The following AGBL1 variants were observed in gnomAD, a reference collection of about 807,000 sequenced individuals.
The protein encoded by AGBL1 is cytosolic carboxypeptidase 4.
In AGBL1, 130 loss-of-function variants were observed where a neutral mutation model predicts 118.9. The observed-to-expected ratio is 1.09, with a 90% CI of 0.95 to 1.26. The LOEUF is 1.26. Ranked by LOEUF, AGBL1 falls within the 50% of genes most tolerant of loss-of-function variation. AGBL1 has a pLI of 0.00. For synonymous variants in AGBL1, 555 were observed against 478.9 expected, an observed-to-expected ratio of 1.16 and a Z score of -2.08; for missense variants, 1,584 against 1,298.1, an observed-to-expected ratio of 1.22 and a Z score of -3.38.
At chr15:86,454,171 G>T (rs2082232729) in intron 18 of AGBL1, among the ~76,000 whole-genome samples, 1 of 152,172 alleles carries the variant, frequency 6.6e-6, no homozygotes. Context: ...CCTTAGAAAA[G>T]TTCCCTTAGA....
chr15:86,139,778 A>T (rs370907096), intron 1 of AGBL1: 106 of 132,376 alleles, frequency 8.0e-4, no homozygotes, highest in Middle Eastern at 8.1e-3. Flanking sequence ...TTTTTTTTTT[A>T]AAAACCAGGG....
At chr15:86,597,132 T>TATCCATCCATCCATCCATCCATCC (rs57387070) in intron 21 of AGBL1, among the ~76,000 whole-genome samples, 1 of 147,504 alleles carries the variant, frequency 6.8e-6, no homozygotes, top group African/African-American at 2.5e-5. Flanking sequence ...AATCTACCTA[T>TATCCATCCATCCATCCATCCATCC]ATCCATCCAT....
At chr15:86,862,624 C>G (rs573972749) in intron 22 of AGBL1, among the ~76,000 whole-genome samples, 3 of 152,060 alleles carry the variant, frequency 2.0e-5, no homozygotes, top group African/African-American at 7.2e-5. Flanking sequence ...GGAGGGCTGA[C>G]GCAGGAGACT....
intron 22 of AGBL1, among the ~76,000 whole-genome samples, chr15:86,813,264 G>C (rs1202060384): frequency 8.5e-5 from 13 of 152,110 alleles, no homozygotes; most frequent in Non-Finnish European, 1.6e-4. Flanking sequence ...AGGGCCTTGA[G>C]TGCAATGCTA....
intron 23 of AGBL1, chr15:86,938,956 C>T (rs16978107): frequency 0.09 from 13,786 of 152,338 alleles, 752 homozygotes; most frequent in South Asian, 0.24. Flanking sequence ...GAAGCTCCAG[C>T]GTTGTCTTGC....
chr15:86,609,515 A>G lies in AGBL1; in HGVS notation c.2994+54978A>G, dbSNP rs111705762. On this transcript the variant is annotated intron_variant, in intron 21 of 22. Coordinates refer to ENST00000614907, the MANE Select transcript of AGBL1 (RefSeq NM_001386094.1). Reference sequence around the variant, plus strand: ...TGTGGGGTAGGGTATGTGTAGTTCTAGGAGTTAATTTGTGTTGACCTATTC... The same window carrying G: ...TGTGGGGTAGGGTATGTGTAGTTCTGGGAGTTAATTTGTGTTGACCTATTC... 5.7e-4 allele frequency among the ~76,000 whole-genome samples: 87 copies of G among 152,174 alleles called. 2 individuals carry two copies. Among genetic ancestry groups the G allele is most frequent in the African/African-American group, 2.0e-3 (84 of 41,522 alleles).
At chr15:87,010,041 A>C (rs1378968021) in intron 24 of AGBL1, among the ~76,000 whole-genome samples, 2 of 152,120 alleles carry the variant, frequency 1.3e-5, no homozygotes, top group Admixed American at 1.3e-4. Flanking sequence ...ACTGTTGGGA[A>C]GGCATGATTA....
chr15:86,796,228 G>C (rs2078568671), intron 22 of AGBL1, among the ~76,000 whole-genome samples: 1 of 152,100 alleles, frequency 6.6e-6, no homozygotes, highest in South Asian at 2.1e-4. Flanking sequence ...ACCTCACACT[G>C]GGAAAAGTGA....
At chr15:86,339,943 C>T (rs928949867) in intron 17 of AGBL1, among the ~76,000 whole-genome samples, 7 of 150,864 alleles carry the variant, frequency 4.6e-5, no homozygotes, top group Admixed American at 1.3e-4. Flanking sequence ...TCCAGCCTGG[C>T]GACAGGGCGG....
chr15:86,454,248 G>T (rs1411818027), intron 18 of AGBL1, among the ~76,000 whole-genome samples: 1 of 152,074 alleles, frequency 6.6e-6, no homozygotes, highest in East Asian at 1.9e-4. Context: ...TACTATTTTT[G>T]CTTATTTCAT....
intron 22 of AGBL1, among the ~76,000 whole-genome samples, chr15:86,798,256 T>A (rs1175915034): frequency 1.3e-5 from 2 of 152,174 alleles, no homozygotes; most frequent in Non-Finnish European, 2.9e-5. Context: ...AACAGTCAGA[T>A]TACCTGTGGA....
chr15:86,107,655 C>T (rs1028230590), intron 1 of AGBL1: 6 of 152,212 alleles, frequency 3.9e-5, no homozygotes, highest in African/African-American at 1.4e-4. Context: ...AATTCACCAT[C>T]TAGAATTCAT....
At chr15:86,794,655 G>T (rs980405737) in intron 22 of AGBL1, among the ~76,000 whole-genome samples, 2 of 151,996 alleles carry the variant, frequency 1.3e-5, no homozygotes, top group Non-Finnish European at 2.9e-5. Context: ...AAAACATGCA[G>T]GGTCTCATGT....
chr15:86,230,936 A>T (rs2078445406), intron 6 of AGBL1, among the ~76,000 whole-genome samples: 1 of 152,094 alleles, frequency 6.6e-6, no homozygotes, highest in African/African-American at 2.4e-5. Flanking sequence ...TGAACACAGA[A>T]AACTATTGAT....
rs1241769341 is a variant in AGBL1, at chr15:86,924,439, C to T, written c.3222-63548C>T. ...TCAGCAAATTACTTTGAAGTACAGCCGTGTTAGTTGTAATATTAGCTATTG... is the reference window on the plus strand; with the variant it reads ...TCAGCAAATTACTTTGAAGTACAGCTGTGTTAGTTGTAATATTAGCTATTG... On this transcript the variant is annotated intron_variant, in intron 23 of 24. Coordinates refer to the AGBL1 transcript ENST00000441037. Among the ~76,000 whole-genome samples the T allele has an allele frequency of 3.9e-5, 6 of 152,156 alleles. No homozygotes were observed. The East Asian group carries it at 5.8e-4, about 15-fold the overall frequency.
At chr15:86,313,077 G>T (rs1308788629) in intron 17 of AGBL1, among the ~76,000 whole-genome samples, 1 of 152,142 alleles carries the variant, frequency 6.6e-6, no homozygotes, top group Non-Finnish European at 1.5e-5. Flanking sequence ...GAGTCAAATG[G>T]GTATGCTTCT....
rs752713983 is a variant in AGBL1 at position 86,279,736 on chromosome 15, G to A, written c.2173G>A (p.Val725Ile). The change falls in exon 16 of 23, where the codon GTC (valine) becomes ATC (isoleucine). Residue 725 changes from valine to isoleucine, a missense_variant. Val to Ile is a conservative substitution (Grantham distance 29). Coordinates refer to ENST00000614907, the MANE Select transcript of AGBL1 (RefSeq NM_001386094.1). Reference sequence around the variant, plus strand: ...TGTCACCTTCCCACACAGTGAGGATGTCTGCTACCTGGCCTACCACTATCC... The same window carrying A: ...TGTCACCTTCCCACACAGTGAGGATATCTGCTACCTGGCCTACCACTATCC... ...FAVTFPHSEDVCYLAYHYPYT... is the reference protein window; with the variant it reads ...FAVTFPHSEDICYLAYHYPYT... The A allele has an allele frequency of 3.1e-6, 5 of 1,613,866 alleles. No homozygotes were observed. Among genetic ancestry groups the A allele is most frequent in the Middle Eastern group, 1.7e-4 (1 of 6,060 alleles).
chr15:86,619,285 C>T lies in AGBL1; in HGVS notation c.2995-54988C>T, dbSNP rs577054327. 3.3e-5 allele frequency among the ~76,000 whole-genome samples: 5 copies of T among 152,316 alleles called. No individual in the cohort carries two copies. The East Asian group carries it at 9.7e-4, about 29-fold the overall frequency. ...TGCCTTTAATTTACCAGTGACCCAT[C>T]TACACTTGGTGTGTGGCCTAAGGTC... On this transcript the variant is annotated intron_variant, in intron 21 of 22. Transcript: ENST00000614907.
At chr15:86,871,981 C>T (rs1256988581) in intron 22 of AGBL1, among the ~76,000 whole-genome samples, 1 of 152,192 alleles carries the variant, frequency 6.6e-6, no homozygotes, top group Non-Finnish European at 1.5e-5. Flanking sequence ...ACTACAAAAA[C>T]CCTGTGGTAT....
Sources: allele counts gnomAD v4.1 joint callset (sites outside exome capture counted in the v4.1 genomes callset), GRCh38; gene constraint gnomAD v4.1.1; transcripts MANE v1.5; gene names NCBI Gene and HGNC (gene_info 2026-07-23, HGNC 2026-07-21).